Variants in KIF4A observed in about 807,000 individuals in gnomAD.
KIF4A encodes kinesin family member 4A.
KIF4A carries 7 observed loss-of-function variants against 105.9 expected under a neutral mutation model. The ratio of observed to expected loss-of-function variants is 0.07; its 90% confidence interval spans 0.04 to 0.12. The LOEUF is 0.12. Among genes scored for constraint, KIF4A ranks in the 10% least tolerant of loss-of-function variants. The probability of loss-of-function intolerance (pLI) is 1.00; values close to 1 mark genes in which losing one functional copy is unlikely to be tolerated. For missense variants in KIF4A, 558 were observed against 929.2 expected (o/e 0.60, Z 5.19); for synonymous variants, 281 against 331.3 (o/e 0.85, Z 1.65).
intron 10 of KIF4A, among the ~76,000 whole-genome samples, chrX:70,334,404 C>T (rs1453472765): frequency 8.9e-6 from 1 of 111,828 alleles, no homozygotes; most frequent in Non-Finnish European, 1.9e-5. Flanking sequence ...CCTCTGATAC[C>T]ATTCCAATGT....
At chrX:70,407,212 A>G in intron 28 of KIF4A, 137 bp downstream of exon 28, 1 of 660,889 alleles carries the variant, frequency 1.5e-6, no homozygotes, top group Non-Finnish European at 2.2e-6. Context: ...AGTTCAAGTA[A>G]TTCTCGTGTC....
At chrX:70,413,269 G>A (rs2086329558) in intron 28 of KIF4A, among the ~76,000 whole-genome samples, 1 of 112,057 alleles carries the variant, frequency 8.9e-6, no homozygotes, top group Admixed American at 9.5e-5. Context: ...ATTTTAGATA[G>A]TGATGAGTGA....
chrX:70,384,091 A>G (rs2086207706), intron 18 of KIF4A, among the ~76,000 whole-genome samples: 1 of 111,861 alleles, frequency 8.9e-6, no homozygotes, highest in Non-Finnish European at 1.9e-5. Context: ...CAAAAGAAGA[A>G]AGGAGACATC....
At chrX:70,331,278 T>G (rs975194490) in intron 9 of KIF4A, among the ~76,000 whole-genome samples, 3 of 111,775 alleles carry the variant, frequency 2.7e-5, no homozygotes, top group Admixed American at 9.5e-5. Context: ...GTATAGTGCA[T>G]TTGAAGAACT....
At chrX:70,329,646 A>G (rs1289652705) in intron 8 of KIF4A, 125 bp downstream of exon 8, 3 of 509,390 alleles carry the variant, frequency 5.9e-6, no homozygotes, top group African/African-American at 4.7e-5. Flanking sequence ...TAATTGATAA[A>G]TACGAGAGAG....
At chrX:70,368,235 C>A (rs1305304066) in intron 15 of KIF4A, among the ~76,000 whole-genome samples, 1 of 111,877 alleles carries the variant, frequency 8.9e-6, no homozygotes, top group African/African-American at 3.3e-5. Flanking sequence ...TCGTCTGAAG[C>A]CTTCTCTCAT....
chrX:70,346,787 C>A (rs750430839), intron 13 of KIF4A, among the ~76,000 whole-genome samples: 1 of 111,548 alleles, frequency 9.0e-6, no homozygotes, highest in Non-Finnish European at 1.9e-5. Flanking sequence ...GTTCGGAGAC[C>A]CTCCCAGCTA....
chrX:70,363,682 A>C (rs1327208090), intron 15 of KIF4A, among the ~76,000 whole-genome samples: 2 of 112,034 alleles, frequency 1.8e-5, no homozygotes, highest in African/African-American at 6.5e-5. Flanking sequence ...TGCTATTGTG[A>C]ACAGTGCTGC....
intron 18 of KIF4A, among the ~76,000 whole-genome samples, chrX:70,383,273 G>T (rs751995170): frequency 9.0e-6 from 1 of 110,525 alleles, no homozygotes; most frequent in South Asian, 3.9e-4. Flanking sequence ...TACATGAAAA[G>T]GTGCTCAATG....
At chrX:70,391,365 G>A (rs752132948) in intron 20 of KIF4A, among the ~76,000 whole-genome samples, 17 of 111,488 alleles carry the variant, frequency 1.5e-4, no homozygotes, top group Non-Finnish European at 2.3e-4. Flanking sequence ...TAATCTGTAT[G>A]TCTATCATTT....
At chrX:70,362,315 G>A (rs1359732190) in intron 15 of KIF4A, 1 of 330,012 alleles carries the variant, frequency 3.0e-6, no homozygotes, top group Non-Finnish European at 5.9e-6. Flanking sequence ...TCTCCGTGGG[G>A]GTGCTGCGGA....
Position 70,353,765 on chromosome X carries a change from T to C in KIF4A, c.1632T>C (p.Thr544=). The part of the protein sequence containing the change: ...ALKEALARKM[T]QNDSQLQPIQ... Reference sequence around the variant, plus strand: ...AAGAGGCCCTGGCTAGGAAGATGACTCAGAATGACAGCCAACTGCAGCCCA... The same window carrying C: ...AAGAGGCCCTGGCTAGGAAGATGACCCAGAATGACAGCCAACTGCAGCCCA... Residue 544 remains threonine (T), a synonymous_variant, in exon 15 of 31, where the codon ACT becomes ACC. Transcript: ENST00000374403. 8.3e-7 allele frequency: 1 copy of C among 1,200,165 alleles called. No individual in the cohort carries two copies. The highest frequency in any genetic ancestry group is 1.1e-6 in the Non-Finnish European group (1 of 889,405).
chrX:70,371,371 A>T (rs1372193827), intron 15 of KIF4A, among the ~76,000 whole-genome samples: 3 of 109,978 alleles, frequency 2.7e-5, no homozygotes, highest in Non-Finnish European at 5.7e-5. Flanking sequence ...TCCCATGTCT[A>T]CCTCTTTCTA....
chrX:70,326,963 CA>C (rs1320738241), intron 7 of KIF4A, among the ~76,000 whole-genome samples: 3 of 112,094 alleles, frequency 2.7e-5, no homozygotes, highest in African/African-American at 9.7e-5. Context: ...AGATTCTTCT[CA>C]GGGTTTGTCT....
At chrX:70,352,280 AC>A (rs1308710232) in intron 13 of KIF4A, among the ~76,000 whole-genome samples, 2 of 112,002 alleles carry the variant, frequency 1.8e-5, no homozygotes, top group Non-Finnish European at 3.8e-5. Context: ...AATGGGTTAA[AC>A]TTTGGCCTTT....
At chrX:70,397,022 G>A (rs1029637239) in intron 22 of KIF4A, among the ~76,000 whole-genome samples, 3 of 110,309 alleles carry the variant, frequency 2.7e-5, no homozygotes, top group Non-Finnish European at 3.8e-5. Context: ...GCAGTGAGCC[G>A]AGATTGCGCC....
intron 7 of KIF4A, among the ~76,000 whole-genome samples, chrX:70,303,773 T>C (rs139670281): frequency 1.7e-3 from 191 of 110,710 alleles, no homozygotes; most frequent in Middle Eastern, 0.014. Context: ...TTTTAGTATA[T>C]TCACAGAGTT....
intron 17 of KIF4A, 77 bp from the exon 18 acceptor site, chrX:70,376,023 T>C: frequency 3.1e-6 from 2 of 641,197 alleles, no homozygotes; most frequent in South Asian, 5.9e-5. Context: ...CTCTTCTTAA[T>C]GGTAAGTCTA....
intron 16 of KIF4A, 53 bp downstream of exon 16, chrX:70,374,307 C>T: frequency 1.3e-6 from 1 of 791,299 alleles, no homozygotes; most frequent in East Asian, 3.3e-5. Flanking sequence ...GTGTGAGGAG[C>T]TTTGCAAGAA....
Sources: gnomAD v4.1 joint callset for allele counts (sites outside exome capture counted in the v4.1 genomes callset) on GRCh38, gnomAD v4.1.1 for gene constraint, MANE v1.5 for transcripts, NCBI Gene and HGNC (gene_info 2026-07-23, HGNC 2026-07-21) for gene names.